Variants in GRID2 observed in about 807,000 individuals in gnomAD.
GRID2 encodes the protein glutamate ionotropic receptor delta type subunit 2.
In GRID2, 33 loss-of-function variants were observed where a neutral mutation model predicts 114.8. That is an observed-to-expected ratio of 0.29 (90% confidence interval 0.22 to 0.38). The LOEUF (loss-of-function observed/expected upper bound fraction) is 0.38. GRID2 is among the 10% of genes least tolerant of loss of function. The pLI is 1.00. For synonymous variants in GRID2, 505 were observed against 449.9 expected (o/e 1.12, Z -1.55); for missense variants, 1,184 against 1,257.7 (o/e 0.94, Z 0.89).
chr4:93,001,061 A>C (rs1720929276), intron 2 of GRID2, among the ~76,000 whole-genome samples: 1 of 151,686 alleles, frequency 6.6e-6, no homozygotes, highest in Non-Finnish European at 1.5e-5. Context: ...TTTGCTAGTA[A>C]TTAAACATCT....
intron 2 of GRID2, among the ~76,000 whole-genome samples, chr4:92,638,484 TA>T (rs1731183363): frequency 6.8e-6 from 1 of 147,476 alleles, no homozygotes; most frequent in African/African-American, 2.5e-5. Context: ...ATATAATATA[TA>T]AAATAAAATT....
intron 2 of GRID2, among the ~76,000 whole-genome samples, chr4:92,731,522 A>C (rs750544713): frequency 6.6e-6 from 1 of 151,942 alleles, no homozygotes; most frequent in Non-Finnish European, 1.5e-5. Flanking sequence ...TTTATTTTAA[A>C]GTATATTTCT....
chr4:92,798,197 G>A (rs1229528462), intron 2 of GRID2, among the ~76,000 whole-genome samples: 3 of 151,890 alleles, frequency 2.0e-5, no homozygotes, highest in Admixed American at 6.6e-5. Context: ...TTTCAGACAC[G>A]TTAACATGTA....
intron 4 of GRID2, among the ~76,000 whole-genome samples, chr4:93,163,130 T>C (rs1737843956): frequency 1.3e-5 from 2 of 151,882 alleles, no homozygotes; most frequent in South Asian, 2.1e-4. Flanking sequence ...ACATTTGTTG[T>C]AAACAAATAT....
intron 2 of GRID2, among the ~76,000 whole-genome samples, chr4:92,796,306 A>G (rs1041728422): frequency 3.3e-5 from 5 of 151,986 alleles, no homozygotes; most frequent in African/African-American, 4.8e-5. Flanking sequence ...ACATTGTCCA[A>G]TATCAAAAGA....
At chr4:93,629,513 G>T (rs1216017690) in intron 14 of GRID2, among the ~76,000 whole-genome samples, 1 of 151,858 alleles carries the variant, frequency 6.6e-6, no homozygotes, top group Non-Finnish European at 1.5e-5. Flanking sequence ...TAGCCATAAG[G>T]AAAAAGAGAT....
chr4:93,092,054 G>T (rs1730838129), intron 3 of GRID2, among the ~76,000 whole-genome samples: 1 of 152,120 alleles, frequency 6.6e-6, no homozygotes. Context: ...TGAACAAGCA[G>T]CCTCACTAAG....
intron 14 of GRID2, among the ~76,000 whole-genome samples, chr4:93,747,999 G>T (rs935479055): frequency 6.6e-6 from 1 of 152,018 alleles, no homozygotes; most frequent in African/African-American, 2.4e-5. Context: ...TTGGTTTCTA[G>T]ATTAATAAAT....
chr4:92,614,945 T>G (rs1280786037), intron 2 of GRID2, among the ~76,000 whole-genome samples: 2 of 129,352 alleles, frequency 1.5e-5, no homozygotes, highest in Non-Finnish European at 3.4e-5. Flanking sequence ...TTTGCTATGT[T>G]TTTTTTTTTT....
At chr4:93,057,795 G>A (rs1727402636) in intron 2 of GRID2, among the ~76,000 whole-genome samples, 1 of 151,758 alleles carries the variant, frequency 6.6e-6, no homozygotes, top group Non-Finnish European at 1.5e-5. Context: ...ATTCTTATCT[G>A]CATTTAATAT....
chr4:93,730,019 A>G (rs1426233448), intron 14 of GRID2, among the ~76,000 whole-genome samples: 1 of 152,232 alleles, frequency 6.6e-6, no homozygotes, highest in East Asian at 1.9e-4. Flanking sequence ...AAATATATTA[A>G]GTATATGAAT....
intron 8 of GRID2, among the ~76,000 whole-genome samples, chr4:93,248,383 C>G (rs936553734): frequency 6.6e-6 from 1 of 152,098 alleles, no homozygotes; most frequent in African/African-American, 2.4e-5. Flanking sequence ...AGTGGGCAGA[C>G]AGTGATAGGA....
intron 4 of GRID2, among the ~76,000 whole-genome samples, chr4:93,184,531 C>T (rs946798136): frequency 2.3e-4 from 30 of 131,050 alleles, no homozygotes; most frequent in African/African-American, 8.5e-4. Context: ...AAAAAAAAAA[C>T]TCACAGGTAC....
At chr4:93,254,954 G>C (rs7662062) in intron 8 of GRID2, among the ~76,000 whole-genome samples, 108,428 of 151,866 alleles carry the variant, frequency 0.71, 39,676 homozygotes, top group African/African-American at 0.86. Context: ...TTCCGTGGTT[G>C]TCACATTCTC....
chr4:92,759,501 T>G (rs1737884443), intron 2 of GRID2, among the ~76,000 whole-genome samples: 1 of 152,178 alleles, frequency 6.6e-6, no homozygotes, highest in Non-Finnish European at 1.5e-5. Context: ...GTAAATATCT[T>G]GTGCTTGACT....
At chr4:93,133,243 A>G (rs980154488) in intron 4 of GRID2, among the ~76,000 whole-genome samples, 1 of 152,256 alleles carries the variant, frequency 6.6e-6, no homozygotes, top group East Asian at 1.9e-4. Context: ...TTTTGAGAAA[A>G]CTAAAAGAGC....
At chr4:93,262,773 C>A (rs1005751959) in intron 8 of GRID2, among the ~76,000 whole-genome samples, 1 of 151,420 alleles carries the variant, frequency 6.6e-6, no homozygotes, top group Non-Finnish European at 1.5e-5. Flanking sequence ...CATTTTTTGG[C>A]CTTTTCCATT....
At chr4:93,400,865 C>G (rs1201226829) in intron 9 of GRID2, among the ~76,000 whole-genome samples, 1 of 152,078 alleles carries the variant, frequency 6.6e-6, no homozygotes, top group Non-Finnish European at 1.5e-5. Flanking sequence ...GAGACAGGCT[C>G]TCACTCCTTC....
chr4:92,558,088 A>T (rs1156951318), intron 1 of GRID2, among the ~76,000 whole-genome samples: 1 of 152,062 alleles, frequency 6.6e-6, no homozygotes, highest in Non-Finnish European at 1.5e-5. Flanking sequence ...CCCTCTCTCA[A>T]ATGCTTGCAA....
Sources: allele counts gnomAD v4.1 joint callset (sites outside exome capture counted in the v4.1 genomes callset), GRCh38; gene constraint gnomAD v4.1.1; transcripts MANE v1.5; gene names NCBI Gene and HGNC (gene_info 2026-07-23, HGNC 2026-07-21).